HIGD1C: variants seen among roughly 807,000 people sequenced by gnomAD.
The protein encoded by HIGD1C is HIG1 hypoxia inducible domain family member 1C.
Under a neutral mutation model 13.1 loss-of-function variants are expected in HIGD1C, and 11 were observed. The observed-to-expected ratio is 0.84, with a 90% CI of 0.53 to 1.39. HIGD1C has a LOEUF of 1.39. Ranked by LOEUF, HIGD1C falls within the 40% of genes most tolerant of loss-of-function variation. The pLI is 0.00. For missense variants in HIGD1C, 110 were observed against 112.0 expected (o/e 0.98, Z 0.08); for synonymous variants, 36 against 37.7 (o/e 0.95, Z 0.17).
At chr12:50,963,594 G>A (rs1939431064) in intron 2 of HIGD1C, among the ~76,000 whole-genome samples, 2 of 152,092 alleles carry the variant, frequency 1.3e-5, no homozygotes, top group South Asian at 4.1e-4. Context: ...AGGGGTCAGA[G>A]AAGGTGAAGG....
At chr12:50,950,480 T>C (rs1458103526), upstream of HIGD1C, among the ~76,000 whole-genome samples, 1 of 151,910 alleles carries the variant, frequency 6.6e-6, no homozygotes, top group Non-Finnish European at 1.5e-5. Flanking sequence ...AGAAAAGCTA[T>C]TCCTCATTAG....
intron 2 of HIGD1C, among the ~76,000 whole-genome samples, chr12:50,965,666 C>T (rs1435005382): frequency 6.6e-6 from 1 of 152,162 alleles, no homozygotes; most frequent in African/African-American, 2.4e-5. Flanking sequence ...GACTGGTAGG[C>T]CACACTCATT....
At chr12:50,964,876 C>T (rs182603721) in intron 2 of HIGD1C, among the ~76,000 whole-genome samples, 37 of 152,324 alleles carry the variant, frequency 2.4e-4, no homozygotes, top group African/African-American at 8.9e-4. Context: ...TTTTAGGAAT[C>T]ACCACTCTGG....
the HIGD1C span, among the ~76,000 whole-genome samples, chr12:50,948,871 GA>G: frequency 3.3e-5 from 1 of 30,340 alleles, no homozygotes; most frequent in Non-Finnish European, 5.8e-5. Flanking sequence ...GAGGAGGGGG[GA>G]GGGGAGGGGG....
upstream of HIGD1C, among the ~76,000 whole-genome samples, chr12:50,951,541 T>G (rs1034070273): frequency 6.6e-6 from 1 of 152,124 alleles, no homozygotes; most frequent in African/African-American, 2.4e-5. Flanking sequence ...ATGTATGACC[T>G]CAATCTAGTG....
chr12:50,954,074 T>C, exon 1 of HIGD1C: 1 of 1,607,546 alleles, frequency 6.2e-7, no homozygotes, highest in Non-Finnish European at 8.5e-7. Flanking sequence ...ATCTAGAGAC[T>C]CCCCCTTTGT....
chr12:50,961,064 T>C lies in HIGD1C; in HGVS notation c.191T>C (p.Val64Ala), dbSNP rs373079708. The C allele has an allele frequency of 1.1e-4, 172 of 1,613,668 alleles. No homozygotes were observed. Among genetic ancestry groups the C allele is most frequent in the Middle Eastern group, 1.6e-4 (1 of 6,082 alleles). ...TCAATTCATCTTATTCACATGAGAG[T>C]TGCTGCCCAAGGATTTGTTGTTGGA... is the stretch of plus-strand genomic sequence containing the variant. The change falls in exon 2 of 3, where the codon GTT (valine) becomes GCT (alanine). Residue 64 changes from valine to alanine, a missense_variant. Transcript: ENST00000398455.
intron 2 of HIGD1C, among the ~76,000 whole-genome samples, chr12:50,965,865 G>C (rs928375560): frequency 2.0e-5 from 3 of 152,124 alleles, no homozygotes; most frequent in African/African-American, 7.2e-5. Context: ...AGGGGATCTG[G>C]CTCCCTCTTC....
intron 1 of HIGD1C, among the ~76,000 whole-genome samples, chr12:50,955,455 T>C (rs570786781): frequency 1.3e-5 from 2 of 152,334 alleles, no homozygotes; most frequent in Admixed American, 1.3e-4. Flanking sequence ...TCTCCATGGA[T>C]GTATACTGCA....
downstream of HIGD1C, chr12:50,970,541 T>G: frequency 1.6e-6 from 2 of 1,265,278 alleles, no homozygotes; most frequent in Non-Finnish European, 2.2e-6. Context: ...GACAAGAAGC[T>G]TCTGAAAACT....
chr12:50,962,926 G>A (rs1252522359), intron 2 of HIGD1C, among the ~76,000 whole-genome samples: 1 of 152,130 alleles, frequency 6.6e-6, no homozygotes, highest in Non-Finnish European at 1.5e-5. Context: ...CTTGGTAGGC[G>A]AATCAGTGTT....
chr12:50,952,463 G>T (rs566441934), upstream of HIGD1C, among the ~76,000 whole-genome samples: 12 of 152,236 alleles, frequency 7.9e-5, no homozygotes, highest in African/African-American at 2.9e-4. Context: ...GCAGTCGGAG[G>T]GAGGCGGTGA....
At chr12:50,966,152 C>T (rs1282788383) in intron 2 of HIGD1C, among the ~76,000 whole-genome samples, 3 of 152,198 alleles carry the variant, frequency 2.0e-5, no homozygotes, top group African/African-American at 4.8e-5. Flanking sequence ...AATGCTACCA[C>T]TTGACCCCCA....
intron 2 of HIGD1C, among the ~76,000 whole-genome samples, chr12:50,966,884 G>A (rs147016812): frequency 6.6e-6 from 1 of 152,250 alleles, no homozygotes; most frequent in African/African-American, 2.4e-5. Flanking sequence ...GGGAGGCCAA[G>A]GTGGGTAGAT....
At chr12:50,957,089 A>G (rs1565956657) in intron 1 of HIGD1C, among the ~76,000 whole-genome samples, 1 of 151,948 alleles carries the variant, frequency 6.6e-6, no homozygotes, top group East Asian at 1.9e-4. Context: ...TGATTTACTG[A>G]TTCTTATTTC....
upstream of HIGD1C, chr12:50,953,807 C>T: frequency 3.8e-6 from 2 of 520,612 alleles, no homozygotes; most frequent in South Asian, 2.6e-5. Flanking sequence ...TATCCCCTTC[C>T]CCTGCAAAAT....
intron 1 of HIGD1C, among the ~76,000 whole-genome samples, chr12:50,954,712 T>C (rs139412919): frequency 2.6e-4 from 40 of 152,204 alleles, no homozygotes; most frequent in Middle Eastern, 3.4e-3. Context: ...GGTGACATAG[T>C]GAGACCCTGT....
chr12:50,948,450 G>A, the HIGD1C span, among the ~76,000 whole-genome samples: 4 of 152,130 alleles, frequency 2.6e-5, no homozygotes, highest in Admixed American at 6.5e-5. Flanking sequence ...GTAGATTGCT[G>A]GTGGGAATGC....
At chr12:50,955,539 G>A (rs953867699) in intron 1 of HIGD1C, among the ~76,000 whole-genome samples, 13 of 152,142 alleles carry the variant, frequency 8.5e-5, no homozygotes, top group African/African-American at 2.4e-4. Context: ...ACTGACATAA[G>A]TTTGCAAAAA....
Sources: gnomAD v4.1 joint callset for allele counts (sites outside exome capture counted in the v4.1 genomes callset) on GRCh38, gnomAD v4.1.1 for gene constraint, MANE v1.5 for transcripts, NCBI Gene and HGNC (gene_info 2026-07-23, HGNC 2026-07-21) for gene names.